Variants in CCAR2 observed in about 807,000 individuals in gnomAD.
The protein encoded by CCAR2 is cell cycle and apoptosis regulator protein 2.
CCAR2 carries 21 observed loss-of-function variants against 108.1 expected under a neutral mutation model. The observed-to-expected ratio is 0.19, with a 90% CI of 0.14 to 0.28. The LOEUF is 0.28. Ranked by LOEUF, CCAR2 falls within the 10% of genes least tolerant of loss-of-function variation. The probability of loss-of-function intolerance (pLI) is 1.00; values close to 1 mark genes in which losing one functional copy is unlikely to be tolerated. For synonymous variants in CCAR2, 577 were observed against 472.8 expected (o/e 1.22, Z -2.86); for missense variants, 1,126 against 1,177.0 (o/e 0.96, Z 0.63).
chr8:22,618,585 G>T, intron 17 of CCAR2, 32 bp from the exon 18 acceptor site: 1 of 1,613,994 alleles, frequency 6.2e-7, no homozygotes, highest in South Asian at 1.1e-5. Context: ...TCGGGGACGG[G>T]GCCTTCTGAT....
At chr8:22,619,558 AGCAGGAG>A (rs1801673487) in intron 20 of CCAR2, 73 bp from the exon 21 acceptor site, 4 of 1,487,600 alleles carry the variant, frequency 2.7e-6, no homozygotes, top group Non-Finnish European at 3.7e-6. Context: ...GGAGCTTCCC[AGCAGGAG>A]GCAGTCCGCA....
chr8:22,615,928 C>G lies in CCAR2; in HGVS notation c.1608+16C>G. On this transcript the variant is annotated intron_variant, in intron 13 of 20. Coordinates refer to ENST00000308511, the MANE Select transcript of CCAR2 (RefSeq NM_001393997.1). ...CTCTTTTGAGGCAGGTGTCAAGAGT[C>G]TTGGGGAGGCTGTGGGCTGGGATTT... 6.2e-7 allele frequency: 1 copy of G among 1,613,606 alleles called. No individual in the cohort carries two copies. Among genetic ancestry groups the G allele is most frequent in the Non-Finnish European group, 8.5e-7 (1 of 1,179,636 alleles).
chr8:22,616,295 C>T lies in CCAR2; in HGVS notation c.1845+47C>T, dbSNP rs534634080. On this transcript the variant is annotated intron_variant, in intron 14 of 20. Transcript: ENST00000308511. ...GCTGTCATAGTGCTTACCGTGACCG[C>T]GCACCTTTACCCCGGGCTCTGTTCC... 1.8e-5 allele frequency: 28 copies of T among 1,552,592 alleles called. 1 individual carries two copies. The South Asian group carries it at 2.5e-4, about 14-fold the overall frequency.
chr8:22,619,557 C>T, intron 20 of CCAR2, 81 bp from the exon 21 acceptor site: 1 of 1,486,874 alleles, frequency 6.7e-7, no homozygotes, highest in Non-Finnish European at 9.1e-7. Context: ...GGGAGCTTCC[C>T]AGCAGGAGGC....
rs763636347 is a variant in CCAR2 at position 22,619,147 on chromosome 8, C to T, written c.2522-3C>T. ...CGTCCCCGTTTCCTTCTCCACCTTGCAGAGGAGAGCCATAACCGTTTCTCA... is the reference window on the plus strand; with the variant it reads ...CGTCCCCGTTTCCTTCTCCACCTTGTAGAGGAGAGCCATAACCGTTTCTCA... On this transcript the variant is annotated splice_polypyrimidine_tract_variant and splice_region_variant and intron_variant, in intron 19 of 20. Transcript: ENST00000308511. 1.2e-6 allele frequency: 2 copies of T among 1,604,438 alleles called. No individual in the cohort carries two copies. Among genetic ancestry groups the T allele is most frequent in the Non-Finnish European group, 1.7e-6 (2 of 1,175,546 alleles).
At chr8:22,613,355 CTTTT>C (rs5890057) in intron 8 of CCAR2, among the ~76,000 whole-genome samples, 3 of 125,858 alleles carry the variant, frequency 2.4e-5, no homozygotes, top group Non-Finnish European at 3.4e-5. Context: ...AGATCTAGTT[CTTTT>C]TTTTTTTTTT....
chr8:22,608,568 T>C (rs2117421585), intron 7 of CCAR2, among the ~76,000 whole-genome samples: 1 of 152,338 alleles, frequency 6.6e-6, no homozygotes, highest in East Asian at 1.9e-4. Context: ...CAGGTAGCTT[T>C]CTCAGCCATG....
chr8:22,614,187 TC>T lies in CCAR2; in HGVS notation c.805del (p.Leu269Ter). Reference protein sequence around the residue: ...LSVHLSWLSAFPLSQPFSLHH... With the variant: ...LSVHLSWLSAXPLSQPFSLHH... ...GTGCATCTGAGTTGGCTATCAGCCT[TC>T]CCCCTGAGCCAGCCCTTTTCCCTCC... On this transcript the variant is annotated frameshift_variant, in exon 9 of 21. Coordinates refer to ENST00000308511, the MANE Select transcript of CCAR2 (RefSeq NM_001393997.1). LOFTEE classifies it high-confidence loss of function. 6.2e-7 allele frequency: 1 copy of T among 1,614,058 alleles called. No individual in the cohort carries two copies. Among genetic ancestry groups the T allele is most frequent in the Non-Finnish European group, 8.5e-7 (1 of 1,180,024 alleles).
intron 2 of CCAR2, 115 bp downstream of exon 2, chr8:22,605,946 G>T (rs2117408241): frequency 7.8e-7 from 1 of 1,289,648 alleles, no homozygotes; most frequent in Non-Finnish European, 1.1e-6. Context: ...GAAAGCAGGA[G>T]ATGCCCACAG....
At chr8:22,614,782 G>T in intron 10 of CCAR2, 56 bp from the exon 11 acceptor site, 1 of 1,145,476 alleles carries the variant, frequency 8.7e-7, no homozygotes, top group Non-Finnish European at 1.2e-6. Flanking sequence ...TTGCCCTGCA[G>T]TGGGAGACCC....
At chr8:22,611,408 G>GTGTGTGTATATA (rs1398005581) in intron 7 of CCAR2, among the ~76,000 whole-genome samples, 2 of 146,338 alleles carry the variant, frequency 1.4e-5, no homozygotes, top group African/African-American at 5.4e-5. Context: ...GTGTGTGTAT[G>GTGTGTGTATATA]TGTGTGTATA....
At position 22,607,228 on chromosome 8, in the gene CCAR2, G is replaced by A. The variant is rs1801111011; in HGVS notation, c.390G>A (p.Leu130=). The A allele has an allele frequency of 3.7e-6, 6 of 1,613,908 alleles. No homozygotes were observed. The highest frequency in any genetic ancestry group is 5.1e-6 in the Non-Finnish European group (6 of 1,180,018). Reference sequence around the variant, plus strand: ...TGAAGTCCCCAGCACCTCCTCTTCTGCATGTAGCAGCCCTGGGCCAGAAGC... The same window carrying A: ...TGAAGTCCCCAGCACCTCCTCTTCTACATGTAGCAGCCCTGGGCCAGAAGC... ...PLLKSPAPPL[L]HVAALGQKQG... is the part of the protein sequence containing the mutation. The change falls in exon 6 of 21, where the codon CTG becomes CTA. Residue 130 remains leucine (L), a synonymous_variant. Transcript: ENST00000308511.
At chr8:22,612,972 T>C in intron 7 of CCAR2, 45 bp from the exon 8 acceptor site, 1 of 1,588,564 alleles carries the variant, frequency 6.3e-7, no homozygotes, top group Non-Finnish European at 8.6e-7. Context: ...ATTGAATACA[T>C]ATAACAATGT....
rs190361313 is a variant in CCAR2 at position 22,617,409 on chromosome 8, T to G, written c.1846-11T>G. On this transcript the variant is annotated splice_polypyrimidine_tract_variant and intron_variant, in intron 14 of 20. Coordinates refer to ENST00000308511, the MANE Select transcript of CCAR2 (RefSeq NM_001393997.1). ...CTGCCTTTTCCTTATAACCTTTGTC[T>G]GCCTCTGTAGAAGGAGGATGGGCTT... The G allele has an allele frequency of 6.5e-5, 99 of 1,528,234 alleles. No individual in the cohort carries two copies. Among genetic ancestry groups the G allele is most frequent in the Non-Finnish European group, 7.7e-5 (88 of 1,139,712 alleles). 94.7% of individuals were successfully genotyped at this position (1,528,234 alleles called of 1,614,324 possible). A position where few individuals can be genotyped will look rare whatever the true frequency, so the allele number is the denominator to read the frequency against.
At chr8:22,619,428 G>A in intron 20 of CCAR2, 73 bp downstream of exon 20, 1 of 1,515,986 alleles carries the variant, frequency 6.6e-7, no homozygotes, top group South Asian at 1.2e-5. Flanking sequence ...AAGGGCGCTT[G>A]CCCGTGTCGG....
intron 16 of CCAR2, chr8:22,618,086 T>A: frequency 1.7e-6 from 1 of 592,464 alleles, no homozygotes; most frequent in Admixed American, 3.0e-5. Flanking sequence ...GTGCTTGATG[T>A]TTTGTTTTTT....
At chr8:22,610,163 G>A (rs570068913) in intron 7 of CCAR2, among the ~76,000 whole-genome samples, 1 of 152,336 alleles carries the variant, frequency 6.6e-6, no homozygotes, top group East Asian at 1.9e-4. Flanking sequence ...CCATTCGTCA[G>A]TAGAGAGAAT....
chr8:22,609,056 T>TC (rs1459977914), intron 7 of CCAR2, among the ~76,000 whole-genome samples: 2 of 150,430 alleles, frequency 1.3e-5, no homozygotes, highest in African/African-American at 4.9e-5. Context: ...TTTTTTCTTT[T>TC]TTTTTTTTTT....
rs1285481602 is a variant in CCAR2, at chr8:22,615,591, C to A, written c.1372C>A (p.Gln458Lys). The A allele has an allele frequency of 6.2e-7, 1 of 1,613,874 alleles. No individual in the cohort carries two copies. The highest frequency in any genetic ancestry group is 8.5e-7 in the Non-Finnish European group (1 of 1,179,992). The change falls in exon 12 of 21, where the codon CAA (glutamine) becomes AAA (lysine). Residue 458 changes from glutamine (Q) to lysine (K), a missense_variant. Around this residue, in one of 4 missense-constraint regions of CCAR2, gnomAD observed 1,013 missense variants for 993.9 expected, o/e 1.02. Coordinates refer to ENST00000308511, the MANE Select transcript of CCAR2 (RefSeq NM_001393997.1). ...AEAAPPTQEAQGETEPTEQAP... is the reference protein window; with the variant it reads ...AEAAPPTQEAKGETEPTEQAP... Reference sequence around the variant, plus strand: ...GGCAGCTCCCCCAACCCAGGAGGCACAAGGGGTAAGGCTGTGCCTTAGCCA... The same window carrying A: ...GGCAGCTCCCCCAACCCAGGAGGCAAAAGGGGTAAGGCTGTGCCTTAGCCA...
Sources: gnomAD v4.1 joint callset for allele counts (sites outside exome capture counted in the v4.1 genomes callset) on GRCh38, gnomAD v4.1.1 for gene constraint, gnomAD v4.1.1 regional missense constraint, MANE v1.5 for transcripts, NCBI Gene and HGNC (gene_info 2026-07-23, HGNC 2026-07-21) for gene names.